Variants in LYPLAL1 observed in about 807,000 individuals in gnomAD.
LYPLAL1 encodes the protein lysophospholipase-like protein 1.
Under a neutral mutation model 19.7 loss-of-function variants are expected in LYPLAL1, and 23 were observed. The ratio of observed to expected loss-of-function variants is 1.17; its 90% CI spans 0.84 to 1.65. LYPLAL1 has a LOEUF of 1.65. LYPLAL1 is among the 40% of genes most tolerant of loss of function. The pLI, the probability that LYPLAL1 is intolerant of heterozygous loss-of-function variation, is 0.00. For missense variants in LYPLAL1, 355 were observed against 279.4 expected, an observed-to-expected ratio of 1.27 and a Z score of -1.93; for synonymous variants, 119 against 96.3, an observed-to-expected ratio of 1.24 and a Z score of -1.38.
At chr1:219,201,036 C>CA (rs894349881) in intron 3 of LYPLAL1, among the ~76,000 whole-genome samples, 10 of 151,884 alleles carry the variant, frequency 6.6e-5, no homozygotes, top group African/African-American at 4.8e-5. Flanking sequence ...ATTCCTGTCA[C>CA]AAAAAAAGTG....
chr1:219,205,749 G>A (rs1658525037), intron 3 of LYPLAL1, among the ~76,000 whole-genome samples: 1 of 152,162 alleles, frequency 6.6e-6, no homozygotes, highest in Non-Finnish European at 1.5e-5. Context: ...TTTCTCTATA[G>A]CCCAGCTGGG....
chr1:219,278,708 A>AAC, the LYPLAL1 span, among the ~76,000 whole-genome samples: 13 of 74,682 alleles, frequency 1.7e-4, no homozygotes, highest in Non-Finnish European at 4.2e-4. Flanking sequence ...ACAACAACAA[A>AAC]ACGTTTCATG....
the LYPLAL1 span, among the ~76,000 whole-genome samples, chr1:219,325,642 CA>C: frequency 6.6e-6 from 1 of 152,172 alleles, no homozygotes; most frequent in Non-Finnish European, 1.5e-5. Flanking sequence ...CACCCACATA[CA>C]TATTTTTTCC....
chr1:219,304,024 T>C, the LYPLAL1 span, among the ~76,000 whole-genome samples: 1 of 152,234 alleles, frequency 6.6e-6, no homozygotes, highest in African/African-American at 2.4e-5. Flanking sequence ...AACAATTATC[T>C]AATAAATATT....
chr1:219,435,377 A>G, the LYPLAL1 span: 1 of 152,184 alleles, frequency 6.6e-6, no homozygotes, highest in Non-Finnish European at 1.5e-5. Flanking sequence ...ATATTTTTCT[A>G]AAGACAGTTC....
chr1:219,334,391 TGCC>T, the LYPLAL1 span, among the ~76,000 whole-genome samples: 17 of 151,992 alleles, frequency 1.1e-4, no homozygotes, highest in Admixed American at 1.1e-3. Flanking sequence ...CCTAATACTC[TGCC>T]AATTTTTATG....
the LYPLAL1 span, among the ~76,000 whole-genome samples, chr1:219,295,208 T>A: frequency 6.6e-6 from 1 of 152,202 alleles, no homozygotes; most frequent in Non-Finnish European, 1.5e-5. Flanking sequence ...AACCTACATA[T>A]GCTGCCTTCT....
At chr1:219,402,127 A>C in the LYPLAL1 span, among the ~76,000 whole-genome samples, 30 of 152,324 alleles carry the variant, frequency 2.0e-4, no homozygotes, top group African/African-American at 6.7e-4. Context: ...AAAGAAAAAC[A>C]GAGAATTGGA....
the LYPLAL1 span, among the ~76,000 whole-genome samples, chr1:219,367,767 A>T: frequency 2.0e-5 from 3 of 152,194 alleles, no homozygotes; most frequent in Admixed American, 6.5e-5. Flanking sequence ...AGCTTTCTAG[A>T]GTTCCTAACC....
At chr1:219,389,697 A>G in the LYPLAL1 span, among the ~76,000 whole-genome samples, 1 of 152,302 alleles carries the variant, frequency 6.6e-6, no homozygotes, top group East Asian at 1.9e-4. Context: ...TCTACCATGT[A>G]TAACTGATGT....
intron 3 of LYPLAL1, 89 bp downstream of exon 3, chr1:219,193,340 A>G (rs1657353131): frequency 3.0e-6 from 3 of 988,880 alleles, no homozygotes; most frequent in Middle Eastern, 3.1e-4. Flanking sequence ...ATTTAGAAGC[A>G]CTTGTATATC....
chr1:219,263,731 A>C, the LYPLAL1 span, among the ~76,000 whole-genome samples: 1 of 152,058 alleles, frequency 6.6e-6, no homozygotes, highest in East Asian at 1.9e-4. Context: ...CTTCTGCTTT[A>C]ATATTTTGCT....
chr1:219,381,648 T>C, the LYPLAL1 span, among the ~76,000 whole-genome samples: 171 of 152,300 alleles, frequency 1.1e-3, no homozygotes, highest in African/African-American at 3.8e-3. Context: ...GAGGGTTGCA[T>C]GCAGAACACA....
chr1:219,247,433 G>T, the LYPLAL1 span, among the ~76,000 whole-genome samples: 1 of 152,204 alleles, frequency 6.6e-6, no homozygotes, highest in Non-Finnish European at 1.5e-5. Context: ...TTAAGATCAT[G>T]TTGGGTGGCC....
the LYPLAL1 span, among the ~76,000 whole-genome samples, chr1:219,417,874 G>A: frequency 6.6e-6 from 1 of 152,276 alleles, no homozygotes; most frequent in Non-Finnish European, 1.5e-5. Flanking sequence ...CCATGGGGCA[G>A]TGCTTAATGG....
chr1:219,410,759 C>T, the LYPLAL1 span, among the ~76,000 whole-genome samples: 3 of 152,264 alleles, frequency 2.0e-5, no homozygotes, highest in Admixed American at 6.5e-5. Flanking sequence ...CCAGCCAGCC[C>T]TGCTGGCCCC....
At chr1:219,376,921 G>A in the LYPLAL1 span, among the ~76,000 whole-genome samples, 13 of 152,124 alleles carry the variant, frequency 8.5e-5, no homozygotes, top group African/African-American at 3.1e-4. Context: ...AAACAGTATG[G>A]TGGTTCCTCA....
At chr1:219,337,452 C>T in the LYPLAL1 span, among the ~76,000 whole-genome samples, 1 of 151,982 alleles carries the variant, frequency 6.6e-6, no homozygotes, top group Non-Finnish European at 1.5e-5. Context: ...CAAATATTCT[C>T]TTTGAATACA....
the LYPLAL1 span, among the ~76,000 whole-genome samples, chr1:219,399,255 G>A: frequency 2.6e-5 from 4 of 152,268 alleles, no homozygotes; most frequent in East Asian, 7.7e-4. Context: ...GCACAGGTCT[G>A]TGTGCATTCT....
Sources: gnomAD v4.1 joint callset for allele counts (sites outside exome capture counted in the v4.1 genomes callset) on GRCh38, gnomAD v4.1.1 for gene constraint, MANE v1.5 for transcripts, NCBI Gene and HGNC (gene_info 2026-07-23, HGNC 2026-07-21) for gene names.